Variants in GCA observed in about 807,000 individuals in gnomAD.
GCA encodes the protein grancalcin, also known as grancalcin, EF-hand calcium-binding protein.
In GCA, 30 loss-of-function variants were observed where a neutral mutation model predicts 32.6. The observed-to-expected ratio is 0.92, with a 90% CI of 0.69 to 1.25. The LOEUF (loss-of-function observed/expected upper bound fraction) is 1.25. Ranked by LOEUF, GCA falls within the 50% of genes most tolerant of loss-of-function variation. GCA has a pLI of 0.00. For missense variants in GCA, 291 were observed against 266.8 expected (o/e 1.09, Z -0.63); for synonymous variants, 102 against 84.6 (o/e 1.21, Z -1.13).
chr2:162,337,124 A>G (rs1684294366), intron 1 of GCA, among the ~76,000 whole-genome samples: 1 of 152,176 alleles, frequency 6.6e-6, no homozygotes, highest in African/African-American at 2.4e-5. Flanking sequence ...CAGGGAGCCT[A>G]ACCTCTGTGG....
At chr2:162,344,753 A>G (rs1292781474) in intron 1 of GCA, among the ~76,000 whole-genome samples, 1 of 150,526 alleles carries the variant, frequency 6.6e-6, no homozygotes, top group Non-Finnish European at 1.5e-5. Flanking sequence ...TCTGTTCTAG[A>G]CTCCCCCGCT....
intron 2 of GCA, among the ~76,000 whole-genome samples, chr2:162,350,953 A>G (rs1267723378): frequency 6.6e-6 from 1 of 152,172 alleles, no homozygotes; most frequent in Non-Finnish European, 1.5e-5. Flanking sequence ...CAGGTGCAAC[A>G]TCTGACTTAG....
At chr2:162,365,226 A>C (rs1348357124), downstream of GCA, among the ~76,000 whole-genome samples, 1 of 151,512 alleles carries the variant, frequency 6.6e-6, no homozygotes, top group Non-Finnish European at 1.5e-5. Flanking sequence ...ATCAGAAATT[A>C]TATGCTTCAT....
At chr2:162,356,689 T>G in intron 4 of GCA, 69 bp from the exon 5 acceptor site, 1 of 1,219,346 alleles carries the variant, frequency 8.2e-7, no homozygotes, top group East Asian at 2.4e-5. Flanking sequence ...CATACTCATG[T>G]TTTAGTCAAT....
intron 7 of GCA, 39 bp downstream of exon 7, chr2:162,359,591 A>G (rs770564548): frequency 1.9e-6 from 2 of 1,062,936 alleles, no homozygotes; most frequent in Non-Finnish European, 2.8e-6. Context: ...TGCATTCTAG[A>G]TAGTTCTCAG....
At chr2:162,333,116 C>T (rs1393149906) in intron 1 of GCA, among the ~76,000 whole-genome samples, 1 of 152,004 alleles carries the variant, frequency 6.6e-6, no homozygotes, top group Admixed American at 6.6e-5. Flanking sequence ...TCAGAGCCAG[C>T]AGCTGCCTTT....
intron 2 of GCA, among the ~76,000 whole-genome samples, chr2:162,348,502 T>A (rs1437879750): frequency 6.6e-6 from 1 of 152,202 alleles, no homozygotes; most frequent in African/African-American, 2.4e-5. Context: ...AAAATAATCA[T>A]GTCAGGATTT....
downstream of GCA, among the ~76,000 whole-genome samples, chr2:162,365,714 CAAATTTCAGCT>C (rs1189309343): frequency 1.3e-5 from 2 of 151,502 alleles, no homozygotes; most frequent in Non-Finnish European, 3.0e-5. Flanking sequence ...TTATAAAATG[CAAATTTCAGCT>C]AAAAAGCGTT....
rs1407625604 is a variant in GCA at position 162,361,548 on chromosome 2, A to G, written c.*1305A>G. On this transcript the variant is annotated 3_prime_UTR_variant, in exon 8 of 8. Transcript: ENST00000437150. Reference sequence around the variant, plus strand: ...ATGGAGGATAGATGGCAATATCTTGAACAAAATCTTTTATAAACTTACAGA... The same window carrying G: ...ATGGAGGATAGATGGCAATATCTTGGACAAAATCTTTTATAAACTTACAGA... 1.0e-6 allele frequency: 1 copy of G among 981,926 alleles called. No homozygotes were observed. Among genetic ancestry groups the G allele is most frequent in the African/African-American group, 1.8e-5 (1 of 57,108 alleles). 60.8% of individuals were successfully genotyped at this position (981,926 alleles called of 1,614,324 possible).
At chr2:162,371,740 C>CTA, downstream of GCA, 2 of 1,258,784 alleles carry the variant, frequency 1.6e-6, no homozygotes, top group Non-Finnish European at 2.2e-6. Context: ...TTGTGAGCCC[C>CTA]TGAGTCAAGT....
intron 2 of GCA, among the ~76,000 whole-genome samples, chr2:162,350,412 A>G (rs1213861732): frequency 2.0e-5 from 3 of 152,198 alleles, no homozygotes; most frequent in Non-Finnish European, 4.4e-5. Flanking sequence ...CCTCAGACCT[A>G]TTGTATGAAA....
chr2:162,320,956 C>T (rs1576247162), intron 1 of GCA, among the ~76,000 whole-genome samples: 1 of 152,308 alleles, frequency 6.6e-6, no homozygotes, highest in South Asian at 2.1e-4. Flanking sequence ...CTATTAGCAT[C>T]ACATAATACC....
chr2:162,335,361 G>C (rs1328048424), intron 1 of GCA, among the ~76,000 whole-genome samples: 1 of 150,112 alleles, frequency 6.7e-6, no homozygotes, highest in Non-Finnish European at 1.5e-5. Flanking sequence ...GTTGCAGTGA[G>C]CTGAGATCAC....
rs1312802366 is a variant in GCA, at chr2:162,344,183, T to C, written c.-66T>C. 1.3e-6 allele frequency: 2 copies of C among 1,587,872 alleles called. No homozygotes were observed. The highest frequency in any genetic ancestry group is 4.5e-5 in the East Asian group (2 of 44,750). On this transcript the variant is annotated 5_prime_UTR_variant, in exon 1 of 8. Coordinates refer to ENST00000437150, the MANE Select transcript of GCA (RefSeq NM_012198.5). ...CTGCGCCTCCTTGCACCTGCGCCTG[T>C]GCTTTTTCTCCCAGCACTGCGGACG...
chr2:162,332,094 G>A (rs1313344469), intron 1 of GCA, among the ~76,000 whole-genome samples: 1 of 151,878 alleles, frequency 6.6e-6, no homozygotes, highest in African/African-American at 2.4e-5. Flanking sequence ...CAGATCATGA[G>A]GTCAGGAGAT....
chr2:162,360,371 T>G lies in GCA; in HGVS notation c.*128T>G. 1 of 1,386,072 alleles carries G rather than the reference T, an allele frequency of 7.2e-7. No individual in the cohort carries two copies. The allele number at this position is 1,386,072 out of a possible 1,614,324, so 85.9% of individuals were successfully genotyped here. The stretch of plus-strand genomic sequence containing the variant: ...ACCTGTTAAACCTCTTCCCTTTCTG[T>G]GTGTTTTTATTTTAGCAGATAGTTC... On this transcript the variant is annotated 3_prime_UTR_variant, in exon 8 of 8. Transcript: ENST00000437150.
chr2:162,371,771 A>G, downstream of GCA: 1 of 1,485,352 alleles, frequency 6.7e-7, no homozygotes, highest in South Asian at 1.2e-5. Context: ...TAAATAGAAA[A>G]AGGAAAACAG....
rs1016615399 is a variant in GCA, at chr2:162,362,906, CA to C, written c.*2669del. Among the ~76,000 whole-genome samples the C allele has an allele frequency of 2.1e-4, 31 of 150,920 alleles. No homozygotes were observed. The highest frequency in any genetic ancestry group is 4.3e-4 in the Non-Finnish European group (29 of 67,398). On this transcript the variant is annotated 3_prime_UTR_variant, in exon 8 of 8. Transcript: ENST00000437150. The stretch of plus-strand genomic sequence containing the variant: ...TACACATGCATCCAGAAAAAAGTAA[CA>C]AAAAATGTAGTCAAGTTATGTTTAT...
chr2:162,326,894 C>T (rs1425932164), intron 1 of GCA, among the ~76,000 whole-genome samples: 2 of 152,202 alleles, frequency 1.3e-5, no homozygotes, highest in African/African-American at 4.8e-5. Context: ...ACTCTCCACC[C>T]CTTATCCCTG....
Sources: allele counts gnomAD v4.1 joint callset (sites outside exome capture counted in the v4.1 genomes callset), GRCh38; gene constraint gnomAD v4.1.1; transcripts MANE v1.5; gene names NCBI Gene and HGNC (gene_info 2026-07-23, HGNC 2026-07-21).